The following CREB5 variants were observed in gnomAD, a reference collection of about 807,000 sequenced individuals.
CREB5 encodes the protein cAMP responsive element binding protein 5.
CREB5 carries 19 observed loss-of-function variants against 57.1 expected under a neutral mutation model. That is an observed-to-expected ratio of 0.33 (90% CI 0.23 to 0.49). The LOEUF is 0.49. CREB5 is among the 20% of genes least tolerant of loss of function. CREB5 has a pLI of 0.99. For synonymous variants in CREB5, 238 were observed against 238.3 expected (o/e 1.00, Z 0.01); for missense variants, 579 against 671.6 (o/e 0.86, Z 1.52).
intron 2 of CREB5, among the ~76,000 whole-genome samples, chr7:28,491,782 G>T (rs1475872265): frequency 6.6e-6 from 1 of 152,140 alleles, no homozygotes; most frequent in Admixed American, 6.5e-5. Context: ...AATTGTTGTG[G>T]CCATGGTGTT....
intron 4 of CREB5, among the ~76,000 whole-genome samples, chr7:28,528,848 T>G (rs1182294068): frequency 6.6e-6 from 1 of 151,960 alleles, no homozygotes; most frequent in African/African-American, 2.4e-5. Context: ...TTTATTTCCC[T>G]TCTTTGGCCA....
At chr7:28,421,954 G>A (rs1054512170) in intron 1 of CREB5, among the ~76,000 whole-genome samples, 1 of 18,114 alleles carries the variant, frequency 5.5e-5, no homozygotes, top group Non-Finnish European at 1.1e-4. Context: ...ACTCAACTGA[G>A]ATCAACGAAA....
chr7:28,696,772 A>ATATATATACACATACGTATACGTATACG (rs1349150665), intron 5 of CREB5, among the ~76,000 whole-genome samples: 4,328 of 149,826 alleles, frequency 0.029, 146 homozygotes, highest in South Asian at 0.045. Context: ...ACACATATAC[A>ATATATATACACATACGTATACGTATACG]TATATATACA....
At chr7:28,719,966 A>G (rs1802927188) in intron 6 of CREB5, among the ~76,000 whole-genome samples, 1 of 152,212 alleles carries the variant, frequency 6.6e-6, no homozygotes, top group Non-Finnish European at 1.5e-5. Context: ...AAGCTGAGGC[A>G]GGAGAATCGC....
intron 5 of CREB5, among the ~76,000 whole-genome samples, chr7:28,616,832 A>G (rs886176817): frequency 2.6e-5 from 4 of 152,358 alleles, no homozygotes; most frequent in Non-Finnish European, 5.9e-5. Context: ...CTGATGACCA[A>G]CAGATACCAA....
At chr7:28,443,795 G>A (rs1425225268) in intron 1 of CREB5, among the ~76,000 whole-genome samples, 3 of 151,998 alleles carry the variant, frequency 2.0e-5, no homozygotes, top group South Asian at 4.1e-4. Context: ...ATTCACTTAC[G>A]ATGATGATGA....
At chr7:28,627,792 C>T (rs570791150) in intron 5 of CREB5, among the ~76,000 whole-genome samples, 1 of 152,182 alleles carries the variant, frequency 6.6e-6, no homozygotes, top group East Asian at 1.9e-4. Context: ...AGACAAACCT[C>T]AGGGCATTCA....
chr7:28,809,575 C>T (rs923746630), intron 9 of CREB5, among the ~76,000 whole-genome samples, 161 bp downstream of exon 9: 6 of 152,294 alleles, frequency 3.9e-5, no homozygotes, highest in Admixed American at 1.3e-4. Flanking sequence ...CCAGGACACC[C>T]TGCAAAACAA....
intron 7 of CREB5, among the ~76,000 whole-genome samples, chr7:28,731,667 G>C (rs1803642670): frequency 6.6e-6 from 1 of 152,200 alleles, no homozygotes; most frequent in Non-Finnish European, 1.5e-5. Flanking sequence ...AAGTTTGATG[G>C]GGAAAGTCAT....
At chr7:28,371,445 C>T (rs997114903) in intron 1 of CREB5, among the ~76,000 whole-genome samples, 6 of 146,408 alleles carry the variant, frequency 4.1e-5, no homozygotes, top group African/African-American at 7.6e-5. Context: ...GCCAAGATCG[C>T]GACACTGCAC....
At chr7:28,364,955 G>A (rs1166357021) in intron 1 of CREB5, among the ~76,000 whole-genome samples, 1 of 152,016 alleles carries the variant, frequency 6.6e-6, no homozygotes, top group Non-Finnish European at 1.5e-5. Flanking sequence ...ACTGGTACCT[G>A]GTTCATGGTC....
chr7:28,421,825 T>TAC (rs1788269079), intron 1 of CREB5, among the ~76,000 whole-genome samples: 1 of 30,546 alleles, frequency 3.3e-5, no homozygotes, highest in South Asian at 1.4e-3. Flanking sequence ...ATAGTGTGCA[T>TAC]ATATATATAC....
intron 1 of CREB5, among the ~76,000 whole-genome samples, chr7:28,388,922 A>G (rs779380229): frequency 2.8e-4 from 43 of 152,378 alleles, no homozygotes; most frequent in Non-Finnish European, 4.4e-4. Flanking sequence ...AGATAAGAAG[A>G]CTGCATCTCT....
chr7:28,349,996 T>C (rs1786155266), intron 1 of CREB5, among the ~76,000 whole-genome samples: 1 of 152,162 alleles, frequency 6.6e-6, no homozygotes, highest in Admixed American at 6.5e-5. Context: ...ATCAAGGCCT[T>C]TTAAGTCATA....
rs75345767 is a variant in CREB5 at position 28,503,718 on chromosome 7, G to T, written c.170-3898G>T. On this transcript the variant is annotated intron_variant, in intron 3 of 10. Transcript: ENST00000357727. ...TTTCTGTCTGCTCTTAAAAAAGATT[G>T]TTCCCAGATACCAGCACACACCTAC... Among the ~76,000 whole-genome samples, 19 of 152,258 alleles carry T rather than the reference G, an allele frequency of 1.2e-4. 1 individual carries two copies. The East Asian group carries it at 3.7e-3, about 29-fold the overall frequency.
intron 7 of CREB5, among the ~76,000 whole-genome samples, chr7:28,755,124 T>A (rs1805222108): frequency 6.6e-6 from 1 of 152,188 alleles, no homozygotes; most frequent in South Asian, 2.1e-4. Flanking sequence ...TTATGGGGGT[T>A]ACATGGTCCC....
At chr7:28,699,558 A>AAGAT (rs958456589) in intron 5 of CREB5, among the ~76,000 whole-genome samples, 1 of 152,184 alleles carries the variant, frequency 6.6e-6, no homozygotes, top group Non-Finnish European at 1.5e-5. Flanking sequence ...ACTTCCAGGG[A>AAGAT]AGATAGTGCA....
At chr7:28,633,390 TGTC>T (rs1798281255) in intron 5 of CREB5, among the ~76,000 whole-genome samples, 2 of 152,018 alleles carry the variant, frequency 1.3e-5, no homozygotes, top group Admixed American at 6.6e-5. Flanking sequence ...TGTGTGTGTG[TGTC>T]TGTGTGTAAT....
At chr7:28,442,665 T>C (rs531648761) in intron 1 of CREB5, among the ~76,000 whole-genome samples, 4 of 152,192 alleles carry the variant, frequency 2.6e-5, no homozygotes, top group Non-Finnish European at 4.4e-5. Context: ...TGGGGTGAGA[T>C]GATATCTCGT....
Sources: allele counts gnomAD v4.1 joint callset (sites outside exome capture counted in the v4.1 genomes callset), GRCh38; gene constraint gnomAD v4.1.1; transcripts MANE v1.5; gene names NCBI Gene and HGNC (gene_info 2026-07-23, HGNC 2026-07-21).